DNAH2: variants seen among roughly 807,000 people sequenced by gnomAD.
The protein encoded by DNAH2 is axonemal beta dynein heavy chain 2.
Under a neutral mutation model 523.5 loss-of-function variants are expected in DNAH2, and 323 were observed. The observed-to-expected ratio is 0.62, with a 90% CI of 0.56 to 0.68. The LOEUF is 0.68. Ranked by LOEUF, DNAH2 falls within the 30% of genes least tolerant of loss-of-function variation. The pLI is 0.00. For missense variants in DNAH2, 4,907 were observed against 5,701.5 expected (o/e 0.86, Z 4.49); for synonymous variants, 2,093 against 2,177.4 (o/e 0.96, Z 1.08).
chr17:7,753,965 A>G (rs1439032472), intron 12 of DNAH2, among the ~76,000 whole-genome samples: 1 of 151,936 alleles, frequency 6.6e-6, no homozygotes, highest in Non-Finnish European at 1.5e-5. Context: ...AACAAGCAGA[A>G]AAACCTACCG....
In DNAH2 at chr17:7,770,921, G is replaced by T. The variant is rs1380287154; in HGVS notation, c.4350G>T (p.Trp1450Cys). 5 of 1,613,696 alleles carry T rather than the reference G, an allele frequency of 3.1e-6. No individual in the cohort carries two copies. The highest frequency in any genetic ancestry group is 4.2e-6 in the Non-Finnish European group (5 of 1,180,012). ...TGATTCTCACAGTGCAGCGTCAGTG[G>T]ATGTACTTAGAGGTCAGGACTCAGC... ...IEMILTVQRQ[W>C]MYLENIFLGE... is the part of the protein sequence containing the mutation. Residue 1450 changes from tryptophan (W) to cysteine (C), a missense_variant, in exon 27 of 86, where the codon TGG becomes TGT. Physicochemically the swap from Trp to Cys is radical, Grantham distance 215 (BLOSUM62 -2). Transcript: ENST00000572933.
intron 69 of DNAH2, 91 bp from the exon 70 acceptor site, chr17:7,818,552 G>C: frequency 6.2e-7 from 1 of 1,602,148 alleles, no homozygotes; most frequent in Non-Finnish European, 8.5e-7. Context: ...TTGGGCAGCT[G>C]AGGATGAGGG....
chr17:7,804,203 C>A, intron 58 of DNAH2, 53 bp from the exon 59 acceptor site: 2 of 1,587,912 alleles, frequency 1.3e-6, no homozygotes, highest in Non-Finnish European at 1.7e-6. Context: ...TACAGGACAC[C>A]GCGCTTTCCG....
At position 7,727,141 on chromosome 17, in the gene DNAH2, G is replaced by A. The variant is rs373888338; in HGVS notation, c.248G>A (p.Arg83Gln). 56 of 1,571,866 alleles carry A rather than the reference G, an allele frequency of 3.6e-5. No homozygotes were observed. Among genetic ancestry groups the A allele is most frequent in the African/African-American group, 4.2e-5 (3 of 72,148 alleles). Reference sequence around the variant, plus strand: ...CTGTAGAAGCCCCTCTTCCTTTCCCGAGCTGCGCTGACAGGACTGGCGGAT... The same window carrying A: ...CTGTAGAAGCCCCTCTTCCTTTCCCAAGCTGCGCTGACAGGACTGGCGGAT... ...EADVKPLFLSRAALTGLADAV... is the reference protein window; with the variant it reads ...EADVKPLFLSQAALTGLADAV... Residue 83 changes from arginine to glutamine, a missense_variant, in exon 4 of 86, where the codon CGA becomes CAA. Physicochemically the swap from Arg to Gln is conservative, Grantham distance 43 (BLOSUM62 1). This residue lies in a region of DNAH2 where 2,806 missense variants were observed against 3,190.8 expected (regional missense o/e 0.88). Transcript: ENST00000572933.
At chr17:7,746,240 C>T (rs148815212) in intron 12 of DNAH2, among the ~76,000 whole-genome samples, 1,917 of 152,264 alleles carry the variant, frequency 0.013, 15 homozygotes, top group African/African-American at 0.027. Context: ...ATTCAAAAGT[C>T]ATTCTACAAA....
At chr17:7,811,904 C>T (rs2077528483) in intron 63 of DNAH2, among the ~76,000 whole-genome samples, 1 of 152,186 alleles carries the variant, frequency 6.6e-6, no homozygotes. Context: ...CTCAGGACCT[C>T]AGAGGCTGTA....
Position 7,764,262 on chromosome 17 carries a change from G to T in DNAH2, c.3325G>T (p.Val1109Phe). 1 of 1,604,788 alleles carries T rather than the reference G, an allele frequency of 6.2e-7. No homozygotes were observed. Among genetic ancestry groups the T allele is most frequent in the South Asian group, 1.1e-5 (1 of 88,916 alleles). ...CATTCTTGAAAAGTACGAGGTGCCA[G>T]TCGAGGACAGTGTGAGTTCCTTTGG... ...FAILEKYEVP[V>F]EDSVLEMLDS... Residue 1109 changes from valine to phenylalanine, a missense_variant, in exon 20 of 86, where the codon GTC (valine) becomes TTC (phenylalanine). By Grantham distance (50) the Val-to-Phe change is conservative. Transcript: ENST00000572933.
chr17:7,782,270 G>A (rs2076623034), intron 39 of DNAH2, among the ~76,000 whole-genome samples: 1 of 152,174 alleles, frequency 6.6e-6, no homozygotes, highest in South Asian at 2.1e-4. Context: ...ATTTAGAAGC[G>A]TATATACAGG....
rs140921199 is a variant in DNAH2 at position 7,792,556 on chromosome 17, C to T, written c.7146-101C>T. 903 of 1,101,242 alleles carry T rather than the reference C, an allele frequency of 8.2e-4. 11 individuals are homozygous for T. Among genetic ancestry groups the T allele is most frequent in the Middle Eastern group, 1.4e-3 (5 of 3,462 alleles). The allele number at this position is 1,101,242 out of a possible 1,614,324, so 68.2% of individuals were successfully genotyped here. On this transcript the variant is annotated intron_variant, in intron 46 of 85. Coordinates refer to ENST00000572933, the MANE Select transcript of DNAH2 (RefSeq NM_020877.5). ...ATGATCCCCAGGCCCCACAGGAGGG[C>T]AGGGTGCTGATGAGACAGTGGTGAC...
chr17:7,749,303 CCCCCCAAAAAAAAAAAAAAAA>C (rs1567636635), intron 12 of DNAH2, among the ~76,000 whole-genome samples: 389 of 17,778 alleles, frequency 0.022, 17 homozygotes, highest in Non-Finnish European at 0.04. Context: ...AGCTAAACTC[CCCCCCAAAAAAAAAAAAAAAA>C]AAAAAAAAAA....
At chr17:7,822,894 G>A (rs2077898674) in intron 73 of DNAH2, among the ~76,000 whole-genome samples, 1 of 152,178 alleles carries the variant, frequency 6.6e-6, no homozygotes, top group African/African-American at 2.4e-5. Flanking sequence ...CCAGCAGAGG[G>A]CGCCAGCTTC....
Position 7,786,288 on chromosome 17 carries a change from G to T in DNAH2, c.6294G>T (p.Gln2098His), listed in dbSNP as rs2076731799. The change falls in exon 40 of 86, where the codon CAG becomes CAT. Residue 2098 changes from glutamine to histidine, a missense_variant. Transcript: ENST00000572933. This position sits in a 1 kb window ranked among gnomAD's most constrained non-coding sequence, Gnocchi z 7.5. ...AGACTGCCTCATGGCGCATTCTACAGGCCTCCCTGTCCTCTCTGTGCCGCG... is the reference window on the plus strand; with the variant it reads ...AGACTGCCTCATGGCGCATTCTACATGCCTCCCTGTCCTCTCTGTGCCGCG... Reference protein sequence around the residue: ...SGKTASWRILQASLSSLCRAG... With the variant: ...SGKTASWRILHASLSSLCRAG... The T allele has an allele frequency of 2.5e-6, 4 of 1,613,826 alleles. No individual in the cohort carries two copies. The highest frequency in any genetic ancestry group is 1.7e-5 in the Admixed American group (1 of 59,988).
Position 7,740,074 on chromosome 17 carries a change from G to GC in DNAH2, c.1376+136_1376+137insC, listed in dbSNP as rs201420023. 69 of 564,486 alleles carry GC rather than the reference G, an allele frequency of 1.2e-4. 2 individuals are homozygous for GC. The highest frequency in any genetic ancestry group is 6.2e-4 in the Middle Eastern group (1 of 1,610). 35.0% of individuals were successfully genotyped at this position (564,486 alleles called of 1,614,324 possible). On this transcript the variant is annotated intron_variant, in intron 9 of 85. Coordinates refer to ENST00000572933, the MANE Select transcript of DNAH2 (RefSeq NM_020877.5). ...GGATCAGGGCGGTGGCCCGGGGGGG[G>GC]GGACAGGAGAGAGTGCAGGGGAGGG...
chr17:7,765,399 G>T lies in DNAH2; in HGVS notation c.3345G>T (p.Glu1115Asp), dbSNP rs774898930. 4.3e-6 allele frequency: 7 copies of T among 1,612,948 alleles called. No individual in the cohort carries two copies. In the East Asian group the frequency reaches 1.3e-4, roughly 31 times the overall value. Residue 1115 changes from glutamate (E) to aspartate (D), a missense_variant, in exon 21 of 86, where the codon GAG becomes GAT. This residue lies in a region of DNAH2 where 2,806 missense variants were observed against 3,190.8 expected (regional missense o/e 0.88). Transcript: ENST00000572933. ...YEVPVEDSVLEMLDSLNGEWV... is the reference protein window; with the variant it reads ...YEVPVEDSVLDMLDSLNGEWV... ...CTCTCTGACTCCCCCAGGTCCTGGAGATGCTGGACAGTCTCAACGGGGAGT... is the reference window on the plus strand; with the variant it reads ...CTCTCTGACTCCCCCAGGTCCTGGATATGCTGGACAGTCTCAACGGGGAGT...
chr17:7,793,254 A>G (rs2076949497), intron 48 of DNAH2, 49 bp downstream of exon 48: 1 of 1,583,060 alleles, frequency 6.3e-7, no homozygotes, highest in Middle Eastern at 1.8e-4. Flanking sequence ...CTTCTGGGAT[A>G]GGCTCAGTCC....
intron 56 of DNAH2, 51 bp downstream of exon 56, chr17:7,799,293 CT>C (rs767911970): frequency 6.2e-7 from 1 of 1,600,686 alleles, no homozygotes; most frequent in African/African-American, 1.3e-5. Context: ...CTCCCTCACC[CT>C]GCTGTGGCCT....
chr17:7,740,368 G>A, intron 9 of DNAH2, 52 bp from the exon 10 acceptor site: 3 of 1,606,352 alleles, frequency 1.9e-6, no homozygotes, highest in Admixed American at 1.7e-5. Context: ...AGGGGTTGGA[G>A]TTGGGGGCAG....
At chr17:7,728,779 G>C (rs1288811178) in intron 4 of DNAH2, among the ~76,000 whole-genome samples, 2 of 152,156 alleles carry the variant, frequency 1.3e-5, no homozygotes, top group African/African-American at 2.4e-5. Flanking sequence ...GAGCCTAGGA[G>C]TTCGAGACCA....
At chr17:7,759,233 C>A in intron 15 of DNAH2, 109 bp downstream of exon 15, 1 of 1,504,302 alleles carries the variant, frequency 6.6e-7, no homozygotes, top group South Asian at 1.3e-5. Context: ...CCAGTGTGTA[C>A]TTCTCAAACA....
Sources: gnomAD v4.1 joint callset for allele counts (sites outside exome capture counted in the v4.1 genomes callset) on GRCh38, gnomAD v4.1.1 for gene constraint, gnomAD v4.1.1 regional missense constraint, Gnocchi (gnomAD v3.1) non-coding constraint, MANE v1.5 for transcripts, NCBI Gene and HGNC (gene_info 2026-07-23, HGNC 2026-07-21) for gene names.